ERBB4: variants seen among roughly 807,000 people sequenced by gnomAD.
ERBB4 encodes receptor tyrosine-protein kinase erbB-4.
In ERBB4, 42 loss-of-function variants were observed where a neutral mutation model predicts 158.0. The ratio of observed to expected loss-of-function variants is 0.27; its 90% confidence interval spans 0.21 to 0.34. The LOEUF is 0.34. Ranked by LOEUF, ERBB4 falls within the 10% of genes least tolerant of loss-of-function variation. The pLI is 1.00. For missense variants in ERBB4, 1,333 were observed against 1,624.1 expected, an observed-to-expected ratio of 0.82 and a Z score of 3.08; for synonymous variants, 583 against 558.7, an observed-to-expected ratio of 1.04 and a Z score of -0.61.
At chr2:211,936,721 A>AT (rs1160450508) in intron 3 of ERBB4, among the ~76,000 whole-genome samples, 5 of 152,058 alleles carry the variant, frequency 3.3e-5, no homozygotes, top group African/African-American at 9.7e-5. Flanking sequence ...CAAAATAAGT[A>AT]TTTTTTCTGC....
intron 19 of ERBB4, among the ~76,000 whole-genome samples, chr2:211,588,413 G>T (rs575518182): frequency 6.6e-6 from 1 of 152,062 alleles, no homozygotes; most frequent in South Asian, 2.1e-4. Context: ...ATGAGGATAC[G>T]CTTTCAAATC....
At position 211,887,253 on chromosome 2, in the gene ERBB4, TACACAC is replaced by T. The variant is rs112197898; in HGVS notation, c.421+60171_421+60176del. Among the ~76,000 whole-genome samples the T allele has an allele frequency of 1.2e-4, 17 of 145,402 alleles. 1 individual carries two copies. The highest frequency in any genetic ancestry group is 1.1e-3 in the South Asian group (5 of 4,552). On this transcript the variant is annotated intron_variant, in intron 3 of 27. Transcript: ENST00000342788. ...ACAGAGTTGAAAGATAACAGAGGAT[TACACAC>T]ACACACACACACACACACACAGGTG...
chr2:212,015,956 C>A (rs1406863030), intron 2 of ERBB4, among the ~76,000 whole-genome samples: 2 of 150,818 alleles, frequency 1.3e-5, no homozygotes, highest in African/African-American at 4.9e-5. Flanking sequence ...TGTTTTATAC[C>A]AAAATAGAGC....
intron 1 of ERBB4, among the ~76,000 whole-genome samples, chr2:212,182,835 A>C (rs2081911949): frequency 6.6e-6 from 1 of 151,412 alleles, no homozygotes; most frequent in African/African-American, 2.4e-5. Flanking sequence ...TTCTGCTATG[A>C]ATAGACTACT....
At chr2:211,484,270 C>T (rs10188673) in intron 20 of ERBB4, among the ~76,000 whole-genome samples, 1 of 151,974 alleles carries the variant, frequency 6.6e-6, no homozygotes, top group African/African-American at 2.4e-5. Flanking sequence ...GAATAGAAAA[C>T]AAATAGCAAG....
At chr2:211,783,467 C>T (rs1239062787) in intron 4 of ERBB4, among the ~76,000 whole-genome samples, 2 of 152,164 alleles carry the variant, frequency 1.3e-5, no homozygotes, top group African/African-American at 4.8e-5. Flanking sequence ...CGAATGCTTC[C>T]AGTTTTTGGC....
At chr2:211,779,170 T>C (rs1207188716) in intron 4 of ERBB4, 4 of 152,194 alleles carry the variant, frequency 2.6e-5, no homozygotes, top group African/African-American at 9.7e-5. Flanking sequence ...ATTATTGCTA[T>C]CCCTACTGGC....
intron 1 of ERBB4, among the ~76,000 whole-genome samples, chr2:212,457,629 T>C (rs73063109): frequency 0.053 from 8,034 of 152,162 alleles, 736 homozygotes; most frequent in African/African-American, 0.18. Context: ...TCTGTTATCT[T>C]TAATACTCAC....
intron 1 of ERBB4, among the ~76,000 whole-genome samples, chr2:212,275,401 C>T (rs946989613): frequency 2.4e-4 from 37 of 151,952 alleles, no homozygotes; most frequent in African/African-American, 8.4e-4. Flanking sequence ...AGTGTAAAAG[C>T]GTTCCTATTT....
At chr2:212,163,207 C>CTG (rs1393759482) in intron 1 of ERBB4, among the ~76,000 whole-genome samples, 2 of 151,916 alleles carry the variant, frequency 1.3e-5, no homozygotes, top group Admixed American at 6.6e-5. Context: ...TGCTACCTAT[C>CTG]TGTGTGTGTA....
intron 25 of ERBB4, among the ~76,000 whole-genome samples, chr2:211,406,978 G>A (rs1288298812): frequency 1.3e-5 from 2 of 152,080 alleles, no homozygotes; most frequent in South Asian, 4.1e-4. Context: ...TACTCAGGAG[G>A]CTGAGGTAAG....
intron 2 of ERBB4, among the ~76,000 whole-genome samples, chr2:212,079,621 G>A (rs2078376579): frequency 6.6e-6 from 1 of 151,990 alleles, no homozygotes; most frequent in African/African-American, 2.4e-5. Flanking sequence ...AACAAATTTA[G>A]ATGGTACTAT....
At chr2:211,867,401 A>T (rs2078237282) in intron 3 of ERBB4, among the ~76,000 whole-genome samples, 1 of 152,250 alleles carries the variant, frequency 6.6e-6, no homozygotes, top group Non-Finnish European at 1.5e-5. Context: ...ATTTACAAGT[A>T]TGTAAACACA....
At chr2:212,018,187 A>G (rs990605296) in intron 2 of ERBB4, among the ~76,000 whole-genome samples, 3 of 152,144 alleles carry the variant, frequency 2.0e-5, no homozygotes, top group African/African-American at 7.2e-5. Context: ...TATATTGGGA[A>G]AGGAATATTG....
intron 1 of ERBB4, among the ~76,000 whole-genome samples, chr2:212,149,575 A>G (rs530846263): frequency 6.6e-5 from 10 of 152,326 alleles, no homozygotes; most frequent in Non-Finnish European, 1.3e-4. Context: ...TATGCAGTTA[A>G]AATGTTTCAA....
chr2:211,629,503 A>C (rs553109536), intron 17 of ERBB4, among the ~76,000 whole-genome samples: 5 of 152,324 alleles, frequency 3.3e-5, no homozygotes, highest in Admixed American at 6.5e-5. Context: ...TGCCATCCCC[A>C]TCAAGCTACC....
At chr2:212,392,938 G>A (rs567004867) in intron 1 of ERBB4, among the ~76,000 whole-genome samples, 35 of 151,956 alleles carry the variant, frequency 2.3e-4, no homozygotes, top group African/African-American at 7.7e-4. Context: ...TTTGTTCCCC[G>A]GCAATCACCC....
At chr2:211,817,712 C>A (rs1341743820) in intron 3 of ERBB4, among the ~76,000 whole-genome samples, 1 of 152,028 alleles carries the variant, frequency 6.6e-6, no homozygotes, top group Non-Finnish European at 1.5e-5. Flanking sequence ...GTGAAGTGAG[C>A]AGAAGTGAGA....
intron 1 of ERBB4, among the ~76,000 whole-genome samples, chr2:212,315,441 A>G (rs2087231156): frequency 6.6e-6 from 1 of 151,394 alleles, no homozygotes; most frequent in African/African-American, 2.4e-5. Context: ...CACACACATA[A>G]TTATTATTTT....
Sources: allele counts gnomAD v4.1 joint callset (sites outside exome capture counted in the v4.1 genomes callset), GRCh38; gene constraint gnomAD v4.1.1; transcripts MANE v1.5; gene names NCBI Gene and HGNC (gene_info 2026-07-23, HGNC 2026-07-21).